ZNF317: variants seen among roughly 807,000 people sequenced by gnomAD.
ZNF317 encodes zinc finger protein 317.
A neutral mutation model predicts 23.4 loss-of-function variants in ZNF317; 17 were observed. The ratio of observed to expected loss-of-function variants is 0.73; its 90% CI spans 0.50 to 1.09. The LOEUF is 1.09. Ranked by LOEUF, ZNF317 falls within the 50% of genes least tolerant of loss-of-function variation. The pLI is 0.00. For synonymous variants in ZNF317, 317 were observed against 314.9 expected, an observed-to-expected ratio of 1.01 and a Z score of -0.07; for missense variants, 679 against 796.7, an observed-to-expected ratio of 0.85 and a Z score of 1.78.
chr19:9,159,937 A>T (rs987415516), intron 6 of ZNF317, among the ~76,000 whole-genome samples, 177 bp from the exon 7 acceptor site: 1 of 152,186 alleles, frequency 6.6e-6, no homozygotes, highest in Non-Finnish European at 1.5e-5. Context: ...GCATTCACCT[A>T]TTGTCCTTGA....
At chr19:9,149,168 C>T (rs1456186265) in intron 1 of ZNF317, among the ~76,000 whole-genome samples, 2 of 152,050 alleles carry the variant, frequency 1.3e-5, no homozygotes, top group Non-Finnish European at 2.9e-5. Flanking sequence ...GAAATTAGTG[C>T]TTTAGGGAAA....
At chr19:9,155,894 A>T in intron 1 of ZNF317, 31 bp from the exon 2 acceptor site, 1 of 1,237,180 alleles carries the variant, frequency 8.1e-7, no homozygotes, top group Non-Finnish European at 1.2e-6. Context: ...ATAGCCTTTC[A>T]CTACTCCCGA....
rs765834971 is a variant in ZNF317, at chr19:9,162,756, A to G, written c.*1323A>G. 2.6e-5 allele frequency: 4 copies of G among 152,220 alleles called. No homozygotes were observed. Among genetic ancestry groups the G allele is most frequent in the Admixed American group, 1.3e-4 (2 of 15,274 alleles). The allele number at this position is 152,220 out of a possible 1,614,324, so 9.4% of individuals were successfully genotyped here. A position where few individuals can be genotyped will look rare whatever the true frequency, so the allele number is the denominator to read the frequency against. The stretch of plus-strand genomic sequence containing the variant: ...TTTTTACTATAGCTTCATCCTTGAT[A>G]ACGTCCTAATTTCCTTCTGGACAAC... On this transcript the variant is annotated 3_prime_UTR_variant, in exon 7 of 7. Coordinates refer to ENST00000247956, the MANE Select transcript of ZNF317 (RefSeq NM_020933.5).
intron 6 of ZNF317, 26 bp downstream of exon 6, chr19:9,158,934 G>C (rs749021987): frequency 1.7e-5 from 26 of 1,544,340 alleles, no homozygotes; most frequent in Non-Finnish European, 2.1e-5. Context: ...GATAATTCTG[G>C]ATCTTCCTTC....
intron 6 of ZNF317, among the ~76,000 whole-genome samples, 177 bp from the exon 7 acceptor site, chr19:9,159,937 A>G (rs987415516): frequency 6.6e-5 from 10 of 152,186 alleles, no homozygotes; most frequent in East Asian, 1.9e-4. Context: ...GCATTCACCT[A>G]TTGTCCTTGA....
chr19:9,155,309 CA>C (rs2050772292), intron 1 of ZNF317, among the ~76,000 whole-genome samples: 1 of 152,098 alleles, frequency 6.6e-6, no homozygotes, highest in African/African-American at 2.4e-5. Flanking sequence ...TGATTCATCT[CA>C]AAAGATGTTT....
At chr19:9,144,027 A>T (rs2050660965) in intron 1 of ZNF317, among the ~76,000 whole-genome samples, 1 of 123,544 alleles carries the variant, frequency 8.1e-6, no homozygotes. Context: ...TTTGAGACGG[A>T]GTTTCACTCT....
At chr19:9,143,707 G>A (rs372886128) in intron 1 of ZNF317, among the ~76,000 whole-genome samples, 1 of 149,712 alleles carries the variant, frequency 6.7e-6, no homozygotes, top group East Asian at 2.0e-4. Context: ...GAGCTCTGGT[G>A]GTGGCTTCAT....
chr19:9,140,712 G>T (rs928730416), intron 1 of ZNF317, 120 bp downstream of exon 1: 93 of 375,968 alleles, frequency 2.5e-4, no homozygotes, highest in Middle Eastern at 3.6e-4. Context: ...GCATCCAGAC[G>T]AGGGGTGCGT....
chr19:9,142,079 T>A (rs1476912436), intron 1 of ZNF317, among the ~76,000 whole-genome samples: 2 of 152,238 alleles, frequency 1.3e-5, no homozygotes. Context: ...GTGCTGGGAT[T>A]GCAGGAGAGA....
At chr19:9,153,225 G>A (rs534916864) in intron 1 of ZNF317, among the ~76,000 whole-genome samples, 4 of 152,178 alleles carry the variant, frequency 2.6e-5, no homozygotes, top group South Asian at 2.1e-4. Flanking sequence ...GTGATGGCAC[G>A]ATCTCAGCTT....
chr19:9,147,042 G>A (rs537532185), intron 1 of ZNF317, among the ~76,000 whole-genome samples: 1 of 152,228 alleles, frequency 6.6e-6, no homozygotes, highest in African/African-American at 2.4e-5. Context: ...CAGAGCCAGG[G>A]AGCCACTCGC....
chr19:9,153,612 C>T lies in ZNF317; in HGVS notation c.-92-2313C>T, dbSNP rs952988582. On this transcript the variant is annotated intron_variant, in intron 1 of 6. Transcript: ENST00000247956. ...TTACCTGGGCAAAGCATGAGGCATG[C>T]GAAGGAATGGGTAAAGAATGGCTCT... 5.9e-5 allele frequency among the ~76,000 whole-genome samples: 9 copies of T among 152,000 alleles called. No homozygotes were observed. In the South Asian group the frequency reaches 6.2e-4, roughly 11 times the overall value.
intron 1 of ZNF317, among the ~76,000 whole-genome samples, chr19:9,142,445 G>T (rs745611755): frequency 6.6e-6 from 1 of 151,834 alleles, no homozygotes; most frequent in Middle Eastern, 3.2e-3. Context: ...TGTGTCTGCC[G>T]AAGGCTTTTC....
intron 4 of ZNF317, 143 bp from the exon 5 acceptor site, chr19:9,157,837 T>C (rs1378027302): frequency 2.4e-5 from 34 of 1,397,536 alleles, no homozygotes; most frequent in Non-Finnish European, 3.1e-5. Context: ...TCCTTAGAAA[T>C]TTTGGCACCA....
In ZNF317 at chr19:9,160,811, C is replaced by T; in HGVS notation, c.1166C>T (p.Thr389Ile). 6.2e-7 allele frequency: 1 copy of T among 1,614,154 alleles called. No individual in the cohort carries two copies. Among genetic ancestry groups the T allele is most frequent in the Admixed American group, 1.7e-5 (1 of 60,014 alleles). ...AAGAAGAACCACATGGTGGAGAAGACCTACGAATGTAAAGAATGCGGGAAA... is the reference window on the plus strand; with the variant it reads ...AAGAAGAACCACATGGTGGAGAAGATCTACGAATGTAAAGAATGCGGGAAA... ...LHKKNHMVEK[T>I]YECKECGKSF... Residue 389 changes from threonine to isoleucine, a missense_variant, in exon 7 of 7, where the codon ACC becomes ATC. Transcript: ENST00000247956. The surrounding 1 kb of genome is among the most constrained non-coding windows in gnomAD (Gnocchi z 6.8).
In ZNF317 at chr19:9,161,768, AC is replaced by A. The variant is rs1409708528; in HGVS notation, c.*336del. On this transcript the variant is annotated 3_prime_UTR_variant, in exon 7 of 7. Transcript: ENST00000247956. The surrounding 1 kb of genome is among the most constrained non-coding windows in gnomAD (Gnocchi z 4.0). ...TTTAATGTCAAAATGACTTCAGACC[AC>A]TTCTAGCCTTCTGGGCCCATGAGTA... The A allele has an allele frequency of 7.5e-6, 2 of 267,966 alleles. No homozygotes were observed. Among genetic ancestry groups the A allele is most frequent in the African/African-American group, 4.4e-5 (2 of 45,930 alleles). 16.6% of individuals were successfully genotyped at this position (267,966 alleles called of 1,614,324 possible).
At chr19:9,157,821 C>T (rs1400684958) in intron 4 of ZNF317, 159 bp from the exon 5 acceptor site, 8 of 1,377,200 alleles carry the variant, frequency 5.8e-6, no homozygotes, top group Non-Finnish European at 7.5e-6. Context: ...AAAACTTTTA[C>T]TGTGTTCCTT....
chr19:9,146,429 C>CTT lies in ZNF317; in HGVS notation c.-93+5850_-93+5851dup, dbSNP rs59017993. On this transcript the variant is annotated intron_variant, in intron 1 of 6. Coordinates refer to ENST00000247956, the MANE Select transcript of ZNF317 (RefSeq NM_020933.5). ...TATATATTATTTATATACTTTTTTT[C>CTT]TTTTTTTTTTTTTTGAGGCAGTGTC... 8.1e-3 allele frequency among the ~76,000 whole-genome samples: 1,108 copies of CTT among 137,296 alleles called. 8 individuals carry two copies. Among genetic ancestry groups the CTT allele is most frequent in the African/African-American group, 0.015 (554 of 36,814 alleles). The allele number at this position is 137,296 out of a possible 152,430, so 90.1% of individuals were successfully genotyped here.
Sources: allele counts gnomAD v4.1 joint callset (sites outside exome capture counted in the v4.1 genomes callset), GRCh38; gene constraint gnomAD v4.1.1; non-coding constraint Gnocchi (gnomAD v3.1); transcripts MANE v1.5; gene names NCBI Gene and HGNC (gene_info 2026-07-23, HGNC 2026-07-21).